NHSL1: variants seen among roughly 807,000 people sequenced by gnomAD.
NHSL1 encodes NHS like 1.
NHSL1 carries 48 observed loss-of-function variants against 95.0 expected under a neutral mutation model. The observed-to-expected ratio is 0.51, with a 90% CI of 0.40 to 0.64. NHSL1 has a LOEUF of 0.64. NHSL1 is among the 30% of genes least tolerant of loss of function. NHSL1 has a pLI of 0.00. For synonymous variants in NHSL1, 783 were observed against 833.9 expected (o/e 0.94, Z 1.05); for missense variants, 1,971 against 2,077.7 (o/e 0.95, Z 1.00).
chr6:138,547,401 G>A (rs1475635599), upstream of NHSL1, among the ~76,000 whole-genome samples: 2 of 150,436 alleles, frequency 1.3e-5, no homozygotes, highest in Admixed American at 1.3e-4. Flanking sequence ...TTTTTCCCCT[G>A]AGAGGGTCTC....
chr6:138,581,213 ATCTT>A (rs1433397676), intron 1 of NHSL1, among the ~76,000 whole-genome samples: 3 of 152,208 alleles, frequency 2.0e-5, no homozygotes, highest in East Asian at 3.8e-4. Context: ...AACCTGCTCT[ATCTT>A]TAAGCATTTC....
chr6:138,502,914 G>A (rs528480043), upstream of NHSL1, among the ~76,000 whole-genome samples: 1 of 152,298 alleles, frequency 6.6e-6, no homozygotes, highest in South Asian at 2.1e-4. Flanking sequence ...AGATAGCTTA[G>A]CAGCCTTCTG....
In NHSL1 at chr6:138,650,231, G is replaced by A. The variant is rs1264363501; in HGVS notation, c.96+42245C>T. 4 of 632,182 alleles carry A rather than the reference G, an allele frequency of 6.3e-6. No homozygotes were observed. The East Asian group carries it at 1.5e-4, about 23-fold the overall frequency. The allele number at this position is 632,182 out of a possible 1,614,324, so 39.2% of individuals were successfully genotyped here. ...TAGATGATTCAGGTTACTCCAGGGT[G>A]AAAGATGATCCTGATGACACCCAGT... On this transcript the variant is annotated intron_variant, in intron 1 of 3. Coordinates refer to the NHSL1 transcript ENST00000491526.
chr6:138,427,147 A>C (rs1466819157), intron 7 of NHSL1, among the ~76,000 whole-genome samples: 1 of 152,220 alleles, frequency 6.6e-6, no homozygotes, highest in East Asian at 1.9e-4. Context: ...AAACGGTGAG[A>C]GTATGCTGAG....
At chr6:138,464,030 A>C (rs1322998636) in intron 3 of NHSL1, 1 of 365,646 alleles carries the variant, frequency 2.7e-6, no homozygotes, top group African/African-American at 2.1e-5. Flanking sequence ...GCATATTGGC[A>C]AGACTGAATA....
chr6:138,574,672 CAAAAAAAAAAAAAAA>C (rs1251561910), upstream of NHSL1, among the ~76,000 whole-genome samples: 4 of 80,332 alleles, frequency 5.0e-5, no homozygotes, highest in African/African-American at 2.3e-4. Flanking sequence ...ACAAATAATG[CAAAAAAAAAAAAAAA>C]GAAAAGAAAA....
rs557466073 is a variant in NHSL1 at position 138,444,603 on chromosome 6, C to A, written c.532+2398G>T. On this transcript the variant is annotated intron_variant, in intron 4 of 7. Coordinates refer to ENST00000343505, the MANE Select transcript of NHSL1 (RefSeq NM_001144060.2). ...TTTTTTTTTTTTTTTTCCTGCTGAGCCTTACTAGGAAAATCAAACTAGAGG... is the reference window on the plus strand; with the variant it reads ...TTTTTTTTTTTTTTTTCCTGCTGAGACTTACTAGGAAAATCAAACTAGAGG... Among the ~76,000 whole-genome samples the A allele has an allele frequency of 2.0e-5, 3 of 150,144 alleles. No homozygotes were observed. In the East Asian group the frequency reaches 5.8e-4, roughly 29 times the overall value.
chr6:138,678,900 GATT>G (rs1431493251), intron 1 of NHSL1, among the ~76,000 whole-genome samples: 1 of 152,180 alleles, frequency 6.6e-6, no homozygotes, highest in Non-Finnish European at 1.5e-5. Context: ...AATGTGTTTA[GATT>G]ATGTGAAAAG....
intron 1 of NHSL1, among the ~76,000 whole-genome samples, chr6:138,669,750 G>C (rs571120012): frequency 9.8e-4 from 149 of 152,322 alleles, no homozygotes; most frequent in Non-Finnish European, 1.9e-3. Flanking sequence ...AAAGCTGACA[G>C]TTGGGCCTTA....
chr6:138,430,818 G>C lies in NHSL1; in HGVS notation c.3527C>G (p.Pro1176Arg). The change falls in exon 6 of 8, where the codon CCC becomes CGC. Residue 1176 changes from proline (P) to arginine (R), a missense_variant. Physicochemically the swap from Pro to Arg is moderately radical, Grantham distance 103 (BLOSUM62 -2). Around this residue, in one of 3 missense-constraint regions of NHSL1, gnomAD observed 1,602 missense variants for 1,654.5 expected, o/e 0.97. Coordinates refer to ENST00000343505, the MANE Select transcript of NHSL1 (RefSeq NM_001144060.2). This position sits in a 1 kb window ranked among gnomAD's most constrained non-coding sequence, Gnocchi z 4.7. ...APSAGEAEAR[P>R]SPSTTPLPDS... ...TGGGAGTGGGGTGGTGCTGGGGCTGGGCCGAGCCTCTGCCTCCCCAGCGCT... is the reference window on the plus strand; with the variant it reads ...TGGGAGTGGGGTGGTGCTGGGGCTGCGCCGAGCCTCTGCCTCCCCAGCGCT... 1 of 1,550,970 alleles carries C rather than the reference G, an allele frequency of 6.4e-7. No individual in the cohort carries two copies. The highest frequency in any genetic ancestry group is 1.2e-5 in the South Asian group (1 of 84,046).
intron 1 of NHSL1, among the ~76,000 whole-genome samples, chr6:138,668,991 C>G (rs1785330603): frequency 6.6e-6 from 1 of 152,104 alleles, no homozygotes; most frequent in Non-Finnish European, 1.5e-5. Flanking sequence ...GGCCTCATGA[C>G]TAGTTGCATT....
chr6:138,685,723 T>A (rs1012751740), intron 1 of NHSL1, among the ~76,000 whole-genome samples: 2 of 151,818 alleles, frequency 1.3e-5, no homozygotes, highest in African/African-American at 4.8e-5. Flanking sequence ...ATGTAAAGAG[T>A]CCATAGAGTC....
intron 1 of NHSL1, among the ~76,000 whole-genome samples, chr6:138,602,206 A>T (rs1299677173): frequency 6.6e-6 from 1 of 152,212 alleles, no homozygotes. Flanking sequence ...CCATGAAATG[A>T]TATGTCTCTC....
intron 3 of NHSL1, among the ~76,000 whole-genome samples, chr6:138,467,453 G>A (rs2128241335): frequency 6.6e-6 from 1 of 152,194 alleles, no homozygotes; most frequent in East Asian, 1.9e-4. Flanking sequence ...CGCCCGGCCA[G>A]TATTTTTTGT....
rs550307126 is a variant in NHSL1, at chr6:138,563,362, C to T, written c.202+8348G>A. ...ATCATTTCAGGATTTGACGTCAACACTGAGATACCAATTCCTTGAAGGATT... is the reference window on the plus strand; with the variant it reads ...ATCATTTCAGGATTTGACGTCAACATTGAGATACCAATTCCTTGAAGGATT... On this transcript the variant is annotated intron_variant, in intron 1 of 6. Coordinates refer to the NHSL1 transcript ENST00000427025. Among the ~76,000 whole-genome samples, 3 of 152,292 alleles carry T rather than the reference C, an allele frequency of 2.0e-5. No homozygotes were observed. The East Asian group carries it at 5.8e-4, about 29-fold the overall frequency.
At chr6:138,457,666 C>G (rs891733853) in intron 3 of NHSL1, among the ~76,000 whole-genome samples, 1 of 152,136 alleles carries the variant, frequency 6.6e-6, no homozygotes, top group Non-Finnish European at 1.5e-5. Flanking sequence ...ACACACCCCT[C>G]CCCTCAACAC....
intron 1 of NHSL1, among the ~76,000 whole-genome samples, chr6:138,593,473 A>G (rs1034176033): frequency 6.6e-6 from 1 of 152,268 alleles, no homozygotes; most frequent in East Asian, 1.9e-4. Flanking sequence ...GTGCTGACGC[A>G]CTTAGGAATT....
At chr6:138,598,216 T>C (rs980339761) in intron 1 of NHSL1, among the ~76,000 whole-genome samples, 4 of 151,954 alleles carry the variant, frequency 2.6e-5, no homozygotes, top group African/African-American at 9.7e-5. Context: ...CCCAACAATT[T>C]GGGAGGCCGA....
chr6:138,424,064 G>C lies in NHSL1; in HGVS notation c.*17C>G. The C allele has an allele frequency of 2.9e-6, 4 of 1,358,726 alleles. No homozygotes were observed. Among genetic ancestry groups the C allele is most frequent in the Non-Finnish European group, 3.8e-6 (4 of 1,058,084 alleles). 84.2% of individuals were successfully genotyped at this position (1,358,726 alleles called of 1,614,324 possible). On this transcript the variant is annotated 3_prime_UTR_variant, in exon 8 of 8. Coordinates refer to ENST00000343505, the MANE Select transcript of NHSL1 (RefSeq NM_001144060.2). This position sits in a 1 kb window ranked among gnomAD's most constrained non-coding sequence, Gnocchi z 5.9. ...TCGTCTCCCCCCGTGTCACCTGGGA[G>C]AGTTACGTTCTTGGCCCTAACTCTC...
Sources: gnomAD v4.1 joint callset for allele counts (sites outside exome capture counted in the v4.1 genomes callset) on GRCh38, gnomAD v4.1.1 for gene constraint, gnomAD v4.1.1 regional missense constraint, Gnocchi (gnomAD v3.1) non-coding constraint, MANE v1.5 for transcripts, NCBI Gene and HGNC (gene_info 2026-07-23, HGNC 2026-07-21) for gene names.